TRAF3IP1: variants seen among roughly 807,000 people sequenced by gnomAD.
The protein encoded by TRAF3IP1 is intraflagellar transport 54.
In TRAF3IP1, 53 loss-of-function variants were observed where a neutral mutation model predicts 89.9. The ratio of observed to expected loss-of-function variants is 0.59; its 90% CI spans 0.47 to 0.74. The LOEUF (loss-of-function observed/expected upper bound fraction) is 0.74, where lower values mean the gene tolerates loss of function less well. TRAF3IP1 is among the 30% of genes least tolerant of loss of function. The pLI is 0.00. For missense variants in TRAF3IP1, 806 were observed against 866.1 expected, an observed-to-expected ratio of 0.93 and a Z score of 0.87; for synonymous variants, 311 against 322.1, an observed-to-expected ratio of 0.97 and a Z score of 0.37.
chr2:238,325,252 T>G (rs1344061581), intron 1 of TRAF3IP1, 54 bp from the exon 2 acceptor site: 2 of 1,560,732 alleles, frequency 1.3e-6, no homozygotes, highest in African/African-American at 2.7e-5. Context: ...TGGATGAGGC[T>G]GATGAGGAGG....
chr2:238,376,112 C>G (rs1267204336), intron 15 of TRAF3IP1, among the ~76,000 whole-genome samples: 1 of 152,162 alleles, frequency 6.6e-6, no homozygotes, highest in East Asian at 1.9e-4. Flanking sequence ...TGCCACTACT[C>G]AACTTTGTTA....
At chr2:238,332,510 A>G (rs755319762) in intron 5 of TRAF3IP1, among the ~76,000 whole-genome samples, 1 of 152,092 alleles carries the variant, frequency 6.6e-6, no homozygotes, top group Non-Finnish European at 1.5e-5. Flanking sequence ...TCATTGCGAT[A>G]TGTTTCCAGG....
At chr2:238,397,279 A>G (rs1701266946) in intron 15 of TRAF3IP1, 180 bp from the exon 16 acceptor site, 2 of 583,110 alleles carry the variant, frequency 3.4e-6, no homozygotes, top group Admixed American at 6.0e-5. Context: ...GCAGCACTTC[A>G]GAGTTACTCT....
At chr2:238,323,321 C>A (rs1001743033) in intron 1 of TRAF3IP1, among the ~76,000 whole-genome samples, 1 of 152,148 alleles carries the variant, frequency 6.6e-6, no homozygotes, top group African/African-American at 2.4e-5. Flanking sequence ...TCAGGTGATC[C>A]GCCTGCCTCG....
At chr2:238,349,519 C>A in intron 12 of TRAF3IP1, 111 bp downstream of exon 12, 1 of 1,102,054 alleles carries the variant, frequency 9.1e-7, no homozygotes, top group Admixed American at 2.1e-5. Context: ...TGGAAACATG[C>A]TATTGAGGAA....
chr2:238,378,645 T>C lies in TRAF3IP1; in HGVS notation c.1690-18814T>C, dbSNP rs1265913454. Among the ~76,000 whole-genome samples, 4 of 152,254 alleles carry C rather than the reference T, an allele frequency of 2.6e-5. No homozygotes were observed. In the East Asian group the frequency reaches 7.7e-4, roughly 29 times the overall value. On this transcript the variant is annotated intron_variant, in intron 15 of 16. Coordinates refer to ENST00000373327, the MANE Select transcript of TRAF3IP1 (RefSeq NM_015650.4). ...AGAGAGAGAGAGTTTGTGTTTAGGT[T>C]TTAGAATCAAGGTTATGTCCATTTT...
intron 9 of TRAF3IP1, among the ~76,000 whole-genome samples, chr2:238,344,924 A>AC (rs1163287547): frequency 6.6e-6 from 1 of 151,766 alleles, no homozygotes; most frequent in African/African-American, 2.4e-5. Context: ...CAAGAGGTGT[A>AC]CCCCCCAGAC....
intron 15 of TRAF3IP1, among the ~76,000 whole-genome samples, chr2:238,378,143 G>C (rs1338369811): frequency 6.6e-6 from 1 of 151,822 alleles, no homozygotes; most frequent in African/African-American, 2.4e-5. Flanking sequence ...TGGCTTTGTT[G>C]TTCTCTTTTT....
chr2:238,390,989 C>G (rs554875356), intron 15 of TRAF3IP1, among the ~76,000 whole-genome samples: 1 of 152,314 alleles, frequency 6.6e-6, no homozygotes, highest in South Asian at 2.1e-4. Context: ...GGGTTTCGCT[C>G]TGTTGCCCAG....
chr2:238,328,750 C>T lies in TRAF3IP1; in HGVS notation c.419C>T (p.Ala140Val), dbSNP rs770043605. ...GAGAAGGGAGAAGTGAAAGGCCGGG[C>T]CTCACTGACCTCAAGATCTCAGGAA... ...AGEKGEVKGR[A>V]SLTSRSQELD... The change falls in exon 4 of 17, where the codon GCC becomes GTC. Residue 140 changes from alanine (A) to valine (V), a missense_variant. Around this residue, in one of 3 missense-constraint regions of TRAF3IP1, gnomAD observed 732 missense variants for 780.5 expected, o/e 0.94. Transcript: ENST00000373327. 3.1e-6 allele frequency: 5 copies of T among 1,613,942 alleles called. No homozygotes were observed. The South Asian group carries it at 3.3e-5, about 11-fold the overall frequency.
At chr2:238,331,051 G>A (rs999921227) in intron 5 of TRAF3IP1, among the ~76,000 whole-genome samples, 1 of 152,106 alleles carries the variant, frequency 6.6e-6, no homozygotes, top group African/African-American at 2.4e-5. Context: ...CCTAGGAAGG[G>A]GTTAACCTTC....
intron 5 of TRAF3IP1, among the ~76,000 whole-genome samples, chr2:238,332,103 C>T (rs996288575): frequency 6.6e-6 from 1 of 152,192 alleles, no homozygotes; most frequent in Admixed American, 6.5e-5. Flanking sequence ...GCCCAGCTTG[C>T]AGTCATGGGT....
intron 2 of TRAF3IP1, 121 bp from the exon 3 acceptor site, chr2:238,325,688 A>G (rs918859632): frequency 4.1e-5 from 40 of 985,404 alleles, no homozygotes; most frequent in Non-Finnish European, 5.0e-5. Context: ...TAGATTTGTT[A>G]TATATCTAAA....
Position 238,329,116 on chromosome 2 carries a change from G to A in TRAF3IP1, c.689G>A (p.Arg230Gln), listed in dbSNP as rs1366068006. Residue 230 changes from arginine to glutamine, a missense_variant, in exon 5 of 17, where the codon CGA becomes CAA. This residue lies in a region of TRAF3IP1 where 732 missense variants were observed against 780.5 expected (regional missense o/e 0.94). Coordinates refer to ENST00000373327, the MANE Select transcript of TRAF3IP1 (RefSeq NM_015650.4). ...GCCCGGGCCAGGCCAGACAACGAGC[G>A]ACAGAAAGACAGAGGCAACAGGGAG... is the stretch of plus-strand genomic sequence containing the variant. Reference protein sequence around the residue: ...AKARARPDNERQKDRGNRERD... With the variant: ...AKARARPDNEQQKDRGNRERD... The A allele has an allele frequency of 3.2e-6, 5 of 1,550,382 alleles. No homozygotes were observed. The highest frequency in any genetic ancestry group is 2.4e-5 in the East Asian group (1 of 40,912).
At chr2:238,363,240 C>T (rs1421761558) in intron 15 of TRAF3IP1, among the ~76,000 whole-genome samples, 1 of 152,104 alleles carries the variant, frequency 6.6e-6, no homozygotes, top group Non-Finnish European at 1.5e-5. Context: ...TTCCTAGTCT[C>T]TTGAATAAAG....
At chr2:238,366,232 T>C (rs575189633) in intron 15 of TRAF3IP1, among the ~76,000 whole-genome samples, 11 of 152,126 alleles carry the variant, frequency 7.2e-5, no homozygotes, top group Admixed American at 5.9e-4. Context: ...CAAGACTCCA[T>C]CTCAAAAAAA....
Position 238,379,603 on chromosome 2 carries a change from C to T in TRAF3IP1, c.1690-17856C>T, listed in dbSNP as rs1190026062. Reference sequence around the variant, plus strand: ...TAATTCTGTGACACGTGTTTTCTGCCGAGGACCTCTGACCTCATGGCCACT... The same window carrying T: ...TAATTCTGTGACACGTGTTTTCTGCTGAGGACCTCTGACCTCATGGCCACT... On this transcript the variant is annotated intron_variant, in intron 15 of 16. Transcript: ENST00000373327. The surrounding 1 kb of genome is among the most constrained non-coding windows in gnomAD (Gnocchi z 4.0). 6.6e-6 allele frequency among the ~76,000 whole-genome samples: 1 copy of T among 152,178 alleles called. No homozygotes were observed. The highest frequency in any genetic ancestry group is 1.5e-5 in the Non-Finnish European group (1 of 68,038).
At position 238,332,905 on chromosome 2, in the gene TRAF3IP1, A is replaced by G. The variant is rs766151978; in HGVS notation, c.987+10A>G. On this transcript the variant is annotated intron_variant, in intron 6 of 16. Transcript: ENST00000373327. ...CAAGGCTGAAACAGAGGTAAACTTT[A>G]AAAAATAACTTTTAAGAGATGTCAA... 1.9e-6 allele frequency: 3 copies of G among 1,600,092 alleles called. No individual in the cohort carries two copies. The East Asian group carries it at 6.7e-5, about 36-fold the overall frequency.
intron 15 of TRAF3IP1, among the ~76,000 whole-genome samples, chr2:238,373,655 T>C (rs1462055993): frequency 6.6e-6 from 1 of 152,228 alleles, no homozygotes; most frequent in East Asian, 1.9e-4. Context: ...AGTAGTTTTT[T>C]CCAATTCTGT....
Sources: allele counts gnomAD v4.1 joint callset (sites outside exome capture counted in the v4.1 genomes callset), GRCh38; gene constraint gnomAD v4.1.1; regional missense constraint gnomAD v4.1.1; non-coding constraint Gnocchi (gnomAD v3.1); transcripts MANE v1.5; gene names NCBI Gene and HGNC (gene_info 2026-07-23, HGNC 2026-07-21).